The following CD55 variants were observed in gnomAD, a reference collection of about 807,000 sequenced individuals.
CD55 encodes the protein CD55 molecule (Cromer blood group), also known as complement decay-accelerating factor.
Under a neutral mutation model 45.8 loss-of-function variants are expected in CD55, and 41 were observed. The ratio of observed to expected loss-of-function variants is 0.90; its 90% confidence interval spans 0.70 to 1.16. CD55 has a LOEUF of 1.16. CD55 is among the 50% of genes most tolerant of loss of function. The pLI is 0.00. For synonymous variants in CD55, 181 were observed against 181.1 expected (o/e 1.00, Z 0.01); for missense variants, 416 against 469.8 (o/e 0.89, Z 1.06).
At position 207,359,573 on chromosome 1, in the gene CD55, T is replaced by G. The variant is rs1259864180; in HGVS notation, c.1109T>G (p.Leu370Trp). The change falls in exon 10 of 10, where the codon TTG becomes TGG. Residue 370 changes from leucine (L) to tryptophan (W), a missense_variant. Physicochemically the swap from Leu to Trp is moderately conservative, Grantham distance 61 (BLOSUM62 -2). Transcript: ENST00000367064. ...CACACGTGTTTCACGTTGACAGGTT[T>G]GCTTGGGACGCTAGTAACCATGGGC... ...SGHTCFTLTG[L>W]LGTLVTMGLL... The G allele has an allele frequency of 1.3e-5, 20 of 1,596,030 alleles. No homozygotes were observed. Among genetic ancestry groups the G allele is most frequent in the Non-Finnish European group, 1.6e-5 (19 of 1,172,574 alleles).
intron 9 of CD55, among the ~76,000 whole-genome samples, chr1:207,340,011 A>G (rs1359233711): frequency 1.3e-5 from 2 of 152,190 alleles, no homozygotes; most frequent in Admixed American, 6.5e-5. Context: ...TATATCACAC[A>G]TTATTGCTAA....
chr1:207,338,246 T>A (rs1244129615), intron 8 of CD55, among the ~76,000 whole-genome samples: 3 of 152,176 alleles, frequency 2.0e-5, no homozygotes, highest in Admixed American at 1.3e-4. Context: ...TTAAAATAAT[T>A]TACAGAAACT....
intron 9 of CD55, among the ~76,000 whole-genome samples, chr1:207,357,091 T>C (rs2102448839): frequency 6.6e-6 from 1 of 152,336 alleles, no homozygotes; most frequent in African/African-American, 2.4e-5. Flanking sequence ...AAATTAAGAA[T>C]ATTACTTAAG....
At chr1:207,328,273 A>AT (rs1482454617) in intron 5 of CD55, among the ~76,000 whole-genome samples, 18 of 152,350 alleles carry the variant, frequency 1.2e-4, no homozygotes, top group African/African-American at 4.1e-4. Context: ...TCCTGTAGGA[A>AT]AGAGCCCCTG....
intron 9 of CD55, among the ~76,000 whole-genome samples, chr1:207,351,689 A>G (rs1655874521): frequency 1.3e-5 from 2 of 152,298 alleles, no homozygotes; most frequent in Admixed American, 6.5e-5. Context: ...ATGTGTTTCA[A>G]ATGAAAGTCT....
intron 6 of CD55, among the ~76,000 whole-genome samples, chr1:207,336,485 T>C (rs1655177122): frequency 6.6e-6 from 1 of 152,198 alleles, no homozygotes; most frequent in Non-Finnish European, 1.5e-5. Context: ...TCTTCTTTAG[T>C]TACCCATAGG....
intron 9 of CD55, among the ~76,000 whole-genome samples, chr1:207,355,366 A>C (rs1261118359): frequency 2.0e-5 from 3 of 152,200 alleles, no homozygotes; most frequent in South Asian, 2.1e-4. Context: ...GTGAGGAAAG[A>C]GAGAATGAGG....
At chr1:207,343,843 G>A (rs554730257) in intron 9 of CD55, among the ~76,000 whole-genome samples, 110 of 152,262 alleles carry the variant, frequency 7.2e-4, no homozygotes, top group African/African-American at 2.5e-3. Context: ...GGGTACTCCA[G>A]GATTGGGTGC....
intron 9 of CD55, chr1:207,350,092 C>G (rs747698624): frequency 2.2e-6 from 1 of 453,900 alleles, no homozygotes; most frequent in Non-Finnish European, 4.4e-6. Context: ...TGTCAAAAGC[C>G]TTTTCTACAA....
Position 207,321,725 on chromosome 1 carries a change from C to A in CD55, c.-41C>A. ...GCCGCTGGGCGTAGCTGCGACTCGG[C>A]GGAGTCCCGGCGGCGCGTCCTTGTT... On this transcript the variant is annotated 5_prime_UTR_variant, in exon 1 of 10. Coordinates refer to ENST00000367064, the MANE Select transcript of CD55 (RefSeq NM_000574.5). 7.0e-7 allele frequency: 1 copy of A among 1,429,218 alleles called. No homozygotes were observed. The highest frequency in any genetic ancestry group is 1.3e-5 in the South Asian group (1 of 74,390). The allele number at this position is 1,429,218 out of a possible 1,614,324, so 88.5% of individuals were successfully genotyped here.
At chr1:207,346,326 C>T (rs553298009) in intron 9 of CD55, among the ~76,000 whole-genome samples, 34 of 152,174 alleles carry the variant, frequency 2.2e-4, no homozygotes, top group Non-Finnish European at 3.8e-4. Context: ...GCTGAGCATC[C>T]GGGTACCTGA....
intron 6 of CD55, among the ~76,000 whole-genome samples, chr1:207,335,671 C>T (rs1446483447): frequency 1.3e-5 from 2 of 152,036 alleles, no homozygotes; most frequent in African/African-American, 4.8e-5. Flanking sequence ...CTGTTACCTG[C>T]TAGGCGTTTT....
At chr1:207,345,548 T>G (rs1471871107) in intron 9 of CD55, among the ~76,000 whole-genome samples, 3 of 152,160 alleles carry the variant, frequency 2.0e-5, no homozygotes, top group Non-Finnish European at 2.9e-5. Context: ...ATATCACAAC[T>G]TTGAATTCTT....
chr1:207,340,895 A>G (rs2102415555), intron 9 of CD55: 1 of 310,008 alleles, frequency 3.2e-6, no homozygotes, highest in East Asian at 5.4e-5. Context: ...TGGTTGTACT[A>G]ATTTACATTC....
intron 9 of CD55, among the ~76,000 whole-genome samples, chr1:207,341,275 G>A (rs988954325): frequency 6.6e-6 from 1 of 152,050 alleles, no homozygotes; most frequent in South Asian, 2.1e-4. Context: ...GTTTAATATA[G>A]TCCTATTTAT....
At chr1:207,342,495 GT>G (rs1655467160) in intron 9 of CD55, among the ~76,000 whole-genome samples, 1 of 151,992 alleles carries the variant, frequency 6.6e-6, no homozygotes, top group South Asian at 2.1e-4. Flanking sequence ...TTTGTTGAGA[GT>G]TTTATTGATT....
chr1:207,359,491 G>A, intron 9 of CD55, 55 bp from the exon 10 acceptor site: 1 of 1,404,920 alleles, frequency 7.1e-7, no homozygotes, highest in East Asian at 2.8e-5. Context: ...TTTATCACTA[G>A]TAAATAAAAT....
intron 9 of CD55, 74 bp downstream of exon 9, chr1:207,339,491 A>AAAAAACAAG: frequency 2.7e-6 from 3 of 1,122,840 alleles, no homozygotes; most frequent in Non-Finnish European, 3.9e-6. Context: ...CCTGGGAGAT[A>AAAAAACAAG]ATATTGTCTT....
At chr1:207,323,252 G>GAT (rs1316031818) in intron 2 of CD55, among the ~76,000 whole-genome samples, 3 of 150,658 alleles carry the variant, frequency 2.0e-5, no homozygotes, top group African/African-American at 7.3e-5. Flanking sequence ...TATATAGGGA[G>GAT]AGATATATAT....
Sources: gnomAD v4.1 joint callset for allele counts (sites outside exome capture counted in the v4.1 genomes callset) on GRCh38, gnomAD v4.1.1 for gene constraint, MANE v1.5 for transcripts, NCBI Gene and HGNC (gene_info 2026-07-23, HGNC 2026-07-21) for gene names.